Variants in COL6A6 observed in about 807,000 individuals in gnomAD.
The protein encoded by COL6A6 is collagen alpha-6(VI) chain.
A neutral mutation model predicts 208.6 loss-of-function variants in COL6A6; 183 were observed. The observed-to-expected ratio is 0.88, with a 90% CI of 0.78 to 0.99. The LOEUF is 0.99. COL6A6 is among the 50% of genes least tolerant of loss of function. The pLI is 0.00. For missense variants in COL6A6, 2,816 were observed against 2,815.2 expected (o/e 1.00, Z -0.01); for synonymous variants, 973 against 1,011.8 (o/e 0.96, Z 0.73).
At position 130,645,075 on chromosome 3, in the gene COL6A6, G is replaced by A; in HGVS notation, c.5239+73G>A. The A allele has an allele frequency of 1.3e-5, 18 of 1,415,630 alleles. No homozygotes were observed. The South Asian group carries it at 2.0e-4, about 15-fold the overall frequency. 87.7% of individuals were successfully genotyped at this position (1,415,630 alleles called of 1,614,324 possible). On this transcript the variant is annotated intron_variant, in intron 32 of 36. Transcript: ENST00000358511. Reference sequence around the variant, plus strand: ...CATACATCTGGAAAGATGAGTTAGAGCAATGTATTGGCTTCCAAATGACAC... The same window carrying A: ...CATACATCTGGAAAGATGAGTTAGAACAATGTATTGGCTTCCAAATGACAC...
intron 34 of COL6A6, among the ~76,000 whole-genome samples, chr3:130,660,528 A>T (rs931704367): frequency 1.3e-5 from 2 of 152,134 alleles, no homozygotes; most frequent in African/African-American, 2.4e-5. Context: ...TTTCTTTCTT[A>T]TCTTTGGTTA....
At chr3:130,552,511 T>C (rs1342767885) in intron 1 of COL6A6, among the ~76,000 whole-genome samples, 2 of 152,240 alleles carry the variant, frequency 1.3e-5, no homozygotes, top group Non-Finnish European at 2.9e-5. Flanking sequence ...ATGCCTTTAC[T>C]TTGAGCCTAT....
chr3:130,668,881 G>C (rs1175312644), intron 36 of COL6A6, among the ~76,000 whole-genome samples: 1 of 152,140 alleles, frequency 6.6e-6, no homozygotes, highest in South Asian at 2.1e-4. Context: ...GTAAACATAA[G>C]TAACAAATGA....
chr3:130,672,382 C>A (rs2066239614), intron 36 of COL6A6, among the ~76,000 whole-genome samples: 2 of 151,074 alleles, frequency 1.3e-5, no homozygotes, highest in African/African-American at 2.5e-5. Flanking sequence ...CAAAGTCTTA[C>A]AATTCTCAAA....
intron 23 of COL6A6, among the ~76,000 whole-genome samples, chr3:130,620,148 T>G (rs1310331437): frequency 6.6e-6 from 1 of 152,070 alleles, no homozygotes; most frequent in African/African-American, 2.4e-5. Context: ...GCTTGCTGTG[T>G]TACTCAGCCT....
rs181981254 is a variant in COL6A6, at chr3:130,575,088, A to G, written c.3547+563A>G. On this transcript the variant is annotated intron_variant, in intron 8 of 36. Coordinates refer to ENST00000358511, the MANE Select transcript of COL6A6 (RefSeq NM_001102608.3). ...ACTTTTTCTGTTATAAAGGTATCTT[A>G]TGGGTTGGTTATGATTCTATATAAC... 4.6e-3 allele frequency among the ~76,000 whole-genome samples: 700 copies of G among 152,304 alleles called. 5 individuals are homozygous for G. The highest frequency in any genetic ancestry group is 0.027 in the Middle Eastern group (8 of 294).
At chr3:130,525,719 C>T (rs1426266264) in intron 1 of COL6A6, among the ~76,000 whole-genome samples, 1 of 152,146 alleles carries the variant, frequency 6.6e-6, no homozygotes, top group African/African-American at 2.4e-5. Flanking sequence ...GCCATGCTCC[C>T]CTTCTCTCCC....
intron 36 of COL6A6, among the ~76,000 whole-genome samples, chr3:130,670,113 G>C (rs895662216): frequency 1.3e-5 from 2 of 152,230 alleles, no homozygotes; most frequent in African/African-American, 4.8e-5. Flanking sequence ...GCTGTCCAGG[G>C]AAACTGTCCA....
chr3:130,531,659 A>C (rs998962946), intron 1 of COL6A6, among the ~76,000 whole-genome samples: 2 of 152,154 alleles, frequency 1.3e-5, no homozygotes, highest in Admixed American at 6.5e-5. Context: ...TGCTTCTTAT[A>C]GTCTCATAGG....
intron 23 of COL6A6, among the ~76,000 whole-genome samples, chr3:130,612,151 T>G (rs2064379057): frequency 6.6e-6 from 1 of 152,230 alleles, no homozygotes; most frequent in Admixed American, 6.5e-5. Flanking sequence ...CCATGGTATA[T>G]ATTTACTACA....
At chr3:130,590,913 A>C in intron 12 of COL6A6, 128 bp from the exon 13 acceptor site, 1 of 720,870 alleles carries the variant, frequency 1.4e-6, no homozygotes, top group Non-Finnish European at 2.4e-6. Context: ...TACATTGGGA[A>C]GGAAGGACCA....
At chr3:130,643,427 C>T (rs770240564) in intron 31 of COL6A6, among the ~76,000 whole-genome samples, 2 of 152,102 alleles carry the variant, frequency 1.3e-5, no homozygotes, top group East Asian at 1.9e-4. Context: ...CTGGTGGGTG[C>T]GAGTCCTGAC....
chr3:130,521,245 T>G (rs1057011427), intron 1 of COL6A6, among the ~76,000 whole-genome samples: 11 of 152,342 alleles, frequency 7.2e-5, no homozygotes, highest in Admixed American at 3.9e-4. Flanking sequence ...ATCACTTATT[T>G]AGTCCGTTAA....
rs755414568 is a variant in COL6A6, at chr3:130,568,172, G to C, written c.1969G>C (p.Asp657His). ...NLVSKSQIGPDRVQIGVVQFS... is the reference protein window; with the variant it reads ...NLVSKSQIGPHRVQIGVVQFS... ...GGTGAGCAAGTCTCAGATTGGACCA[G>C]ATCGGGTGCAAATTGGTGTAGTCCA... The change falls in exon 6 of 37, where the codon GAT (aspartate) becomes CAT (histidine). Residue 657 changes from aspartate (D) to histidine (H), a missense_variant. Coordinates refer to ENST00000358511, the MANE Select transcript of COL6A6 (RefSeq NM_001102608.3). The C allele has an allele frequency of 1.9e-6, 3 of 1,613,900 alleles. No homozygotes were observed. Among genetic ancestry groups the C allele is most frequent in the South Asian group, 1.1e-5 (1 of 91,080 alleles).
At position 130,642,972 on chromosome 3, in the gene COL6A6, A is replaced by T. The variant is rs765880788; in HGVS notation, c.5191-15A>T. 1 of 1,613,730 alleles carries T rather than the reference A, an allele frequency of 6.2e-7. No homozygotes were observed. The highest frequency in any genetic ancestry group is 8.5e-7 in the Non-Finnish European group (1 of 1,179,744). ...TTTGTTGTTTAATTGTTTCTGTTTT[A>T]TTTTCGAACTGCAGACATGTGAGCT... On this transcript the variant is annotated splice_polypyrimidine_tract_variant and intron_variant, in intron 30 of 36. Transcript: ENST00000358511.
chr3:130,651,513 A>T (rs1028891485), intron 33 of COL6A6, among the ~76,000 whole-genome samples: 1 of 152,146 alleles, frequency 6.6e-6, no homozygotes, highest in African/African-American at 2.4e-5. Flanking sequence ...AATTTGTTTA[A>T]TAATAATCTA....
At chr3:130,547,682 T>C (rs1426616552) in intron 1 of COL6A6, among the ~76,000 whole-genome samples, 1 of 152,268 alleles carries the variant, frequency 6.6e-6, no homozygotes, top group South Asian at 2.1e-4. Context: ...TTTTGATGTC[T>C]AGTATTTCTT....
At chr3:130,601,318 C>G (rs1052601099) in intron 20 of COL6A6, among the ~76,000 whole-genome samples, 3 of 149,732 alleles carry the variant, frequency 2.0e-5, no homozygotes, top group Non-Finnish European at 3.0e-5. Flanking sequence ...AGCTATTACA[C>G]TCCATCGAAA....
At chr3:130,647,136 G>A (rs146396137) in intron 32 of COL6A6, among the ~76,000 whole-genome samples, 3 of 152,200 alleles carry the variant, frequency 2.0e-5, no homozygotes, top group Non-Finnish European at 2.9e-5. Flanking sequence ...TTGGGGAACC[G>A]CACATGGCAA....
Sources: allele counts gnomAD v4.1 joint callset (sites outside exome capture counted in the v4.1 genomes callset), GRCh38; gene constraint gnomAD v4.1.1; transcripts MANE v1.5; gene names NCBI Gene and HGNC (gene_info 2026-07-23, HGNC 2026-07-21).